Variants in GAS2 observed in about 807,000 individuals in gnomAD.
The protein encoded by GAS2 is growth arrest-specific protein 2.
In GAS2, 20 loss-of-function variants were observed where a neutral mutation model predicts 37.5. The observed-to-expected ratio is 0.53, with a 90% CI of 0.37 to 0.77. GAS2 has a LOEUF of 0.77. Among genes scored for constraint, GAS2 ranks in the 30% least tolerant of loss-of-function variants. The pLI, the probability that GAS2 is intolerant of heterozygous loss-of-function variation, is 0.00. For missense variants in GAS2, 336 were observed against 373.4 expected, an observed-to-expected ratio of 0.90 and a Z score of 0.82; for synonymous variants, 144 against 132.2, an observed-to-expected ratio of 1.09 and a Z score of -0.61.
intron 3 of GAS2, among the ~76,000 whole-genome samples, chr11:22,709,153 A>T (rs748830099): frequency 2.0e-5 from 3 of 152,150 alleles, no homozygotes; most frequent in Non-Finnish European, 4.4e-5. Context: ...TTTCCATTTG[A>T]AAACCCTAAT....
chr11:22,693,315 C>G (rs993247573), intron 3 of GAS2, among the ~76,000 whole-genome samples: 2 of 152,072 alleles, frequency 1.3e-5, no homozygotes, highest in African/African-American at 4.8e-5. Context: ...ATGTTAAGTA[C>G]CAGGATATTG....
intron 1 of GAS2, among the ~76,000 whole-genome samples, chr11:22,634,030 G>T (rs1202784226): frequency 2.0e-5 from 3 of 152,182 alleles, no homozygotes; most frequent in African/African-American, 7.2e-5. Flanking sequence ...TTTTCAAACT[G>T]CTGAGGAAGA....
At chr11:22,808,790 G>A (rs1455651737) in intron 7 of GAS2, among the ~76,000 whole-genome samples, 1 of 152,220 alleles carries the variant, frequency 6.6e-6, no homozygotes, top group Non-Finnish European at 1.5e-5. Context: ...GTGGTAGAAA[G>A]AATCAAAGTG....
chr11:22,635,536 T>C (rs997603264), intron 1 of GAS2, among the ~76,000 whole-genome samples: 1 of 152,188 alleles, frequency 6.6e-6, no homozygotes, highest in African/African-American at 2.4e-5. Flanking sequence ...AAGCCTTCCC[T>C]ACCAAGACAG....
At chr11:22,771,259 G>A (rs1004561180) in intron 7 of GAS2, among the ~76,000 whole-genome samples, 1 of 151,994 alleles carries the variant, frequency 6.6e-6, no homozygotes, top group African/African-American at 2.4e-5. Flanking sequence ...GGAATGTTGA[G>A]CTTATTGTTA....
intron 7 of GAS2, among the ~76,000 whole-genome samples, chr11:22,809,231 A>G (rs1797225115): frequency 6.6e-6 from 1 of 152,188 alleles, no homozygotes; most frequent in Non-Finnish European, 1.5e-5. Flanking sequence ...GGGTGCTGCA[A>G]CCAAGAAGAA....
chr11:22,658,337 T>C (rs1277787725), intron 1 of GAS2, among the ~76,000 whole-genome samples: 1 of 152,156 alleles, frequency 6.6e-6, no homozygotes, highest in Admixed American at 6.5e-5. Context: ...CCTTTGCTTT[T>C]AAAAGACTCA....
chr11:22,726,944 CAA>C (rs1852246127), intron 4 of GAS2, among the ~76,000 whole-genome samples: 1 of 152,046 alleles, frequency 6.6e-6, no homozygotes, highest in African/African-American at 2.4e-5. Context: ...GGCAAGATAA[CAA>C]GAGATTAATA....
intron 3 of GAS2, among the ~76,000 whole-genome samples, chr11:22,707,120 T>C (rs1027466665): frequency 4.6e-5 from 7 of 152,160 alleles, no homozygotes; most frequent in Non-Finnish European, 1.0e-4. Flanking sequence ...TTGGCAGAGC[T>C]TGGTGATAAA....
intron 2 of GAS2, among the ~76,000 whole-genome samples, chr11:22,676,698 C>G (rs1336478617): frequency 6.6e-6 from 1 of 151,998 alleles, no homozygotes; most frequent in East Asian, 1.9e-4. Context: ...TTCAGTGAAA[C>G]TTAATTTGAT....
At chr11:22,783,178 T>C (rs4278513) in intron 7 of GAS2, among the ~76,000 whole-genome samples, 82,077 of 151,994 alleles carry the variant, frequency 0.54, 22,449 homozygotes, top group East Asian at 0.6. Flanking sequence ...CTTTGATTTG[T>C]ATTTCTCTGA....
At chr11:22,740,432 C>T (rs116961964) in intron 5 of GAS2, among the ~76,000 whole-genome samples, 2,834 of 152,146 alleles carry the variant, frequency 0.019, 42 homozygotes, top group Non-Finnish European at 0.029. Flanking sequence ...CTTGACTCAA[C>T]TTGGATGGTG....
At chr11:22,651,223 C>T (rs1035178498) in intron 1 of GAS2, among the ~76,000 whole-genome samples, 12 of 152,120 alleles carry the variant, frequency 7.9e-5, no homozygotes, top group Non-Finnish European at 1.6e-4. Context: ...AAATTCTTTT[C>T]TTTAAGAATG....
intron 5 of GAS2, among the ~76,000 whole-genome samples, chr11:22,747,299 T>C (rs954460025): frequency 2.0e-5 from 3 of 152,186 alleles, no homozygotes; most frequent in African/African-American, 7.2e-5. Flanking sequence ...CAGACAGTGA[T>C]CTCTACCACT....
At chr11:22,669,827 G>A (rs1358409644) in intron 1 of GAS2, among the ~76,000 whole-genome samples, 10 of 152,146 alleles carry the variant, frequency 6.6e-5, no homozygotes, top group Admixed American at 6.5e-4. Context: ...ACCCAAGGTG[G>A]AGGTCCCATT....
intron 7 of GAS2, among the ~76,000 whole-genome samples, chr11:22,798,418 T>G (rs1856524591): frequency 1.3e-5 from 2 of 151,972 alleles, no homozygotes; most frequent in African/African-American, 4.8e-5. Context: ...TTAAAGAAAT[T>G]TATTCTGGTC....
chr11:22,649,261 T>G (rs1369930910), intron 1 of GAS2, among the ~76,000 whole-genome samples: 2 of 152,222 alleles, frequency 1.3e-5, no homozygotes, highest in Non-Finnish European at 2.9e-5. Flanking sequence ...ATCCCAGAGA[T>G]GAAACCCACT....
At chr11:22,707,574 T>A (rs190405400) in intron 3 of GAS2, among the ~76,000 whole-genome samples, 2 of 152,186 alleles carry the variant, frequency 1.3e-5, no homozygotes, top group Non-Finnish European at 2.9e-5. Context: ...ACAGTTTGTC[T>A]AAGTGCTCGG....
chr11:22,739,296 C>T (rs1439647845), intron 5 of GAS2, among the ~76,000 whole-genome samples: 3 of 151,870 alleles, frequency 2.0e-5, no homozygotes, highest in Admixed American at 6.6e-5. Context: ...GGAAGTTGGC[C>T]GGGCGCTGTG....
Sources: gnomAD v4.1 joint callset for allele counts (sites outside exome capture counted in the v4.1 genomes callset) on GRCh38, gnomAD v4.1.1 for gene constraint, MANE v1.5 for transcripts, NCBI Gene and HGNC (gene_info 2026-07-23, HGNC 2026-07-21) for gene names.